Variants in RIT2 observed in about 807,000 individuals in gnomAD.
RIT2 encodes GTP-binding protein Rit2.
A neutral mutation model predicts 23.7 loss-of-function variants in RIT2; 24 were observed. The observed-to-expected ratio is 1.01, with a 90% CI of 0.73 to 1.43. RIT2 has a LOEUF of 1.43. Ranked by LOEUF, RIT2 falls within the 40% of genes most tolerant of loss-of-function variation. The pLI, the probability that RIT2 is intolerant of heterozygous loss-of-function variation, is 0.00. For synonymous variants in RIT2, 107 were observed against 91.1 expected (o/e 1.17, Z -0.99); for missense variants, 236 against 266.9 (o/e 0.88, Z 0.81).
At chr18:43,107,075 CA>C (rs1360633425) in intron 1 of RIT2, among the ~76,000 whole-genome samples, 1 of 152,180 alleles carries the variant, frequency 6.6e-6, no homozygotes, top group Non-Finnish European at 1.5e-5. Flanking sequence ...CACCACACTG[CA>C]AACACACACA....
intron 1 of RIT2, among the ~76,000 whole-genome samples, chr18:43,075,545 A>G (rs1233878434): frequency 6.6e-6 from 1 of 152,224 alleles, no homozygotes; most frequent in Non-Finnish European, 1.5e-5. Flanking sequence ...CTTTATAAAG[A>G]ATGACTTTTT....
At chr18:42,851,498 C>T (rs1003143603) in intron 4 of RIT2, among the ~76,000 whole-genome samples, 4 of 152,106 alleles carry the variant, frequency 2.6e-5, no homozygotes, top group African/African-American at 9.7e-5. Context: ...CAGTCATAGG[C>T]ATAGAAGCAA....
chr18:42,992,531 C>T (rs572596503), intron 2 of RIT2, among the ~76,000 whole-genome samples: 2 of 152,188 alleles, frequency 1.3e-5, no homozygotes, highest in East Asian at 1.9e-4. Flanking sequence ...CCCATCTGAC[C>T]TCTCTCTTCC....
intron 4 of RIT2, among the ~76,000 whole-genome samples, chr18:42,845,473 C>T (rs1383871065): frequency 1.3e-4 from 19 of 150,138 alleles, no homozygotes; most frequent in Admixed American, 1.3e-3. Context: ...TTTATATAGA[C>T]AGTATAAATA....
At chr18:42,913,051 C>T (rs1050987243) in intron 4 of RIT2, among the ~76,000 whole-genome samples, 5 of 151,650 alleles carry the variant, frequency 3.3e-5, no homozygotes, top group Admixed American at 6.6e-5. Flanking sequence ...GGCAGAAAGA[C>T]GGATCAAAGG....
At chr18:42,833,126 T>C (rs2144011994) in intron 4 of RIT2, among the ~76,000 whole-genome samples, 1 of 150,652 alleles carries the variant, frequency 6.6e-6, no homozygotes, top group African/African-American at 2.4e-5. Flanking sequence ...TAACATACAT[T>C]TATTCATCTC....
intron 4 of RIT2, among the ~76,000 whole-genome samples, chr18:42,748,158 A>G (rs1422917943): frequency 2.0e-5 from 3 of 151,896 alleles, no homozygotes; most frequent in Non-Finnish European, 4.4e-5. Context: ...AAAACCCGCA[A>G]AGTGGAAGAA....
chr18:43,049,758 T>G (rs1334898587), intron 1 of RIT2, among the ~76,000 whole-genome samples: 1 of 151,818 alleles, frequency 6.6e-6, no homozygotes, highest in Non-Finnish European at 1.5e-5. Flanking sequence ...GCAAAGGAAA[T>G]AGCATGTGCC....
intron 4 of RIT2, among the ~76,000 whole-genome samples, chr18:42,834,092 G>T (rs892701944): frequency 6.6e-6 from 1 of 152,106 alleles, no homozygotes; most frequent in African/African-American, 2.4e-5. Context: ...ATGTGGAGTG[G>T]ACTCCATCAG....
intron 4 of RIT2, among the ~76,000 whole-genome samples, chr18:42,827,633 T>C (rs1170508700): frequency 1.3e-5 from 2 of 151,762 alleles, no homozygotes; most frequent in Non-Finnish European, 2.9e-5. Context: ...AAAATAAACA[T>C]AGGATATGTA....
chr18:42,769,686 T>A (rs1262287532), intron 4 of RIT2, among the ~76,000 whole-genome samples: 1 of 151,972 alleles, frequency 6.6e-6, no homozygotes, highest in Non-Finnish European at 1.5e-5. Flanking sequence ...AGAGGGCCAC[T>A]CTATCTATGA....
intron 4 of RIT2, among the ~76,000 whole-genome samples, chr18:42,868,245 A>G (rs1203291683): frequency 6.6e-6 from 1 of 152,202 alleles, no homozygotes; most frequent in Non-Finnish European, 1.5e-5. Flanking sequence ...ATTTAAATCA[A>G]TGGTCCATTC....
In RIT2 at chr18:42,882,907, T is replaced by C. The variant is rs1044495294; in HGVS notation, c.426+40665A>G. On this transcript the variant is annotated intron_variant, in intron 4 of 4. Transcript: ENST00000326695. Reference sequence around the variant, plus strand: ...ATGATACGCCTTCCCCTAACACTTATATAACATCTGGCAGTAAGTAGGTAG... The same window carrying C: ...ATGATACGCCTTCCCCTAACACTTACATAACATCTGGCAGTAAGTAGGTAG... 6.6e-5 allele frequency among the ~76,000 whole-genome samples: 10 copies of C among 152,214 alleles called. No homozygotes were observed. In the East Asian group the frequency reaches 1.3e-3, roughly 20 times the overall value.
intron 1 of RIT2, among the ~76,000 whole-genome samples, chr18:43,095,246 T>C (rs1214267859): frequency 2.6e-5 from 4 of 152,100 alleles, no homozygotes; most frequent in African/African-American, 9.7e-5. Context: ...TTTTTAATGA[T>C]CATCATTCTA....
At chr18:43,074,826 T>C (rs1362966561) in intron 1 of RIT2, among the ~76,000 whole-genome samples, 1 of 152,194 alleles carries the variant, frequency 6.6e-6, no homozygotes, top group Non-Finnish European at 1.5e-5. Flanking sequence ...TGTTCTCGCT[T>C]CTAAGCAGGA....
At chr18:42,841,875 T>C (rs866623665) in intron 4 of RIT2, among the ~76,000 whole-genome samples, 1 of 152,206 alleles carries the variant, frequency 6.6e-6, no homozygotes, top group African/African-American at 2.4e-5. Context: ...TGATCTCTCT[T>C]CTCACTCAGC....
chr18:42,888,751 C>G (rs971162331), intron 4 of RIT2, among the ~76,000 whole-genome samples: 2 of 152,068 alleles, frequency 1.3e-5, no homozygotes, highest in African/African-American at 4.8e-5. Context: ...GAAATCATGT[C>G]TATTGCACCA....
chr18:42,949,133 C>T, intron 3 of RIT2: 1 of 396,668 alleles, frequency 2.5e-6, no homozygotes. Context: ...TAGACCATGG[C>T]TTCCAAGCCA....
intron 1 of RIT2, among the ~76,000 whole-genome samples, chr18:43,072,848 T>G (rs1420894243): frequency 6.6e-6 from 1 of 152,186 alleles, no homozygotes; most frequent in Non-Finnish European, 1.5e-5. Context: ...CCTCACATTC[T>G]ATTTCTCTGT....
Sources: gnomAD v4.1 joint callset for allele counts (sites outside exome capture counted in the v4.1 genomes callset) on GRCh38, gnomAD v4.1.1 for gene constraint, MANE v1.5 for transcripts, NCBI Gene and HGNC (gene_info 2026-07-23, HGNC 2026-07-21) for gene names.